Variants in ACTN1 observed in about 807,000 individuals in gnomAD.
The protein encoded by ACTN1 is alpha-actinin-1.
Under a neutral mutation model 119.6 loss-of-function variants are expected in ACTN1, and 30 were observed. That is an observed-to-expected ratio of 0.25 (90% CI 0.19 to 0.34). ACTN1 has a LOEUF of 0.34. Ranked by LOEUF, ACTN1 falls within the 10% of genes least tolerant of loss-of-function variation. ACTN1 has a pLI of 1.00. For missense variants in ACTN1, 764 were observed against 1,223.4 expected (o/e 0.62, Z 5.60); for synonymous variants, 429 against 472.6 (o/e 0.91, Z 1.20).
At chr14:68,915,617 G>A (rs10143675) in intron 3 of ACTN1, among the ~76,000 whole-genome samples, 27,060 of 152,210 alleles carry the variant, frequency 0.18, 3,256 homozygotes, top group East Asian at 0.63. Context: ...AACCACAAGT[G>A]GGGGAATGGG....
intron 1 of ACTN1, among the ~76,000 whole-genome samples, chr14:68,931,897 G>A (rs918785991): frequency 6.6e-6 from 1 of 152,054 alleles, no homozygotes; most frequent in African/African-American, 2.4e-5. Flanking sequence ...AGGGCACTGG[G>A]GAAGGGATTC....
chr14:68,966,005 C>T (rs1247820971), intron 1 of ACTN1, among the ~76,000 whole-genome samples: 1 of 152,042 alleles, frequency 6.6e-6, no homozygotes, highest in Non-Finnish European at 1.5e-5. Context: ...ATCGTTTAAG[C>T]CCAGGAGTTT....
chr14:68,882,783 T>G lies in ACTN1; in HGVS notation c.1818+90A>C, dbSNP rs569015131. The G allele has an allele frequency of 2.3e-5, 36 of 1,547,098 alleles. No individual in the cohort carries two copies. The highest frequency in any genetic ancestry group is 2.8e-5 in the Non-Finnish European group (32 of 1,135,234). On this transcript the variant is annotated intron_variant, in intron 15 of 21. Coordinates refer to ENST00000394419, the MANE Select transcript of ACTN1 (RefSeq NM_001130004.2). This position sits in a 1 kb window ranked among gnomAD's most constrained non-coding sequence, Gnocchi z 4.5. ...ATGAGTGTTTACTATATGACAATTT[T>G]AAATGAAATTGACAAAAATCAATTA...
intron 1 of ACTN1, among the ~76,000 whole-genome samples, chr14:68,976,628 T>TGCTCTG (rs1483598899): frequency 5.9e-5 from 9 of 152,342 alleles, no homozygotes; most frequent in African/African-American, 1.9e-4. Context: ...GGTTCCCAGA[T>TGCTCTG]GCTCTGGCTC....
intron 1 of ACTN1, among the ~76,000 whole-genome samples, chr14:68,970,217 G>A (rs2036837724): frequency 6.6e-6 from 1 of 151,934 alleles, no homozygotes; most frequent in Admixed American, 6.6e-5. Context: ...TCTTTGGCCT[G>A]GAGCTGAACA....
chr14:68,942,644 G>A (rs2035799246), intron 1 of ACTN1, among the ~76,000 whole-genome samples: 1 of 152,148 alleles, frequency 6.6e-6, no homozygotes, highest in African/African-American at 2.4e-5. Context: ...AGTTGATTAC[G>A]CCGAATGTTG....
chr14:68,903,019 T>C (rs546192900), intron 7 of ACTN1, among the ~76,000 whole-genome samples: 44 of 152,222 alleles, frequency 2.9e-4, no homozygotes, highest in Non-Finnish European at 5.6e-4. Context: ...ATTTGCTAAA[T>C]GTGATAACTT....
rs181289533 is a variant in ACTN1 at position 68,901,436 on chromosome 14, C to T, written c.762+1041G>A. On this transcript the variant is annotated intron_variant, in intron 8 of 21. Transcript: ENST00000394419. ...CTAATTTTTGTATTTTTAGTAGAGACGGGGTTTCACCATGTTGGCCAGGCT... is the reference window on the plus strand; with the variant it reads ...CTAATTTTTGTATTTTTAGTAGAGATGGGGTTTCACCATGTTGGCCAGGCT... 1.7e-3 allele frequency among the ~76,000 whole-genome samples: 259 copies of T among 151,916 alleles called. 1 individual carries two copies. The highest frequency in any genetic ancestry group is 3.4e-3 in the Middle Eastern group (1 of 294).
rs78283847 is a variant in ACTN1 at position 68,876,824 on chromosome 14, G to A, written c.2586+258C>T. On this transcript the variant is annotated intron_variant, in intron 21 of 21. Coordinates refer to ENST00000394419, the MANE Select transcript of ACTN1 (RefSeq NM_001130004.2). ...ACCACTCTATTCTCATCTGCCACCC[G>A]TCATTTCATCCCAGCTATGGAGTCC... Among the ~76,000 whole-genome samples the A allele has an allele frequency of 2.3e-3, 347 of 152,256 alleles. 1 individual carries two copies. The highest frequency in any genetic ancestry group is 7.7e-3 in the African/African-American group (322 of 41,550).
chr14:68,878,597 G>C lies in ACTN1; in HGVS notation c.2362-74C>G, dbSNP rs759293142. 9 of 1,598,926 alleles carry C rather than the reference G, an allele frequency of 5.6e-6. No homozygotes were observed. In the Admixed American group the frequency reaches 1.6e-4, roughly 28 times the overall value. On this transcript the variant is annotated intron_variant, in intron 19 of 21. Coordinates refer to ENST00000394419, the MANE Select transcript of ACTN1 (RefSeq NM_001130004.2). This position sits in a 1 kb window ranked among gnomAD's most constrained non-coding sequence, Gnocchi z 4.4. Reference sequence around the variant, plus strand: ...AAGAGGAAGGGCCGGCCCGGGGCCAGGAAGACAGGAACAGATGGCCAGAAC... The same window carrying C: ...AAGAGGAAGGGCCGGCCCGGGGCCACGAAGACAGGAACAGATGGCCAGAAC...
Position 68,878,558 on chromosome 14 carries a change from G to A in ACTN1, c.2362-35C>T. 1 of 1,612,736 alleles carries A rather than the reference G, an allele frequency of 6.2e-7. No homozygotes were observed. The highest frequency in any genetic ancestry group is 8.5e-7 in the Non-Finnish European group (1 of 1,179,372). On this transcript the variant is annotated intron_variant, in intron 19 of 21. Coordinates refer to ENST00000394419, the MANE Select transcript of ACTN1 (RefSeq NM_001130004.2). This position sits in a 1 kb window ranked among gnomAD's most constrained non-coding sequence, Gnocchi z 4.4. ...GCAGTGGTACCAAGACACAAGGAGG[G>A]TCGGGAAGGCAGGAAGAGGAAGGGC...
intron 1 of ACTN1, among the ~76,000 whole-genome samples, chr14:68,977,027 C>T (rs910475556): frequency 6.6e-6 from 1 of 152,198 alleles, no homozygotes; most frequent in African/African-American, 2.4e-5. Context: ...TGCTCAGTGT[C>T]TGTCCCCTAG....
At position 68,979,164 on chromosome 14, in the gene ACTN1, C is replaced by A; in HGVS notation, c.-108G>T. ...GTAGGGCTGGGCTGGGCTGGGCTGG[C>A]GGGGCCGGGCTCGCTCCCCTGCGCC... On this transcript the variant is annotated 5_prime_UTR_variant, in exon 1 of 22. Transcript: ENST00000394419. 1 of 393,904 alleles carries A rather than the reference C, an allele frequency of 2.5e-6. No individual in the cohort carries two copies. Among genetic ancestry groups the A allele is most frequent in the Non-Finnish European group, 4.0e-6 (1 of 249,462 alleles). The allele number at this position is 393,904 out of a possible 1,614,324, so 24.4% of individuals were successfully genotyped here.
At chr14:68,921,623 C>T (rs902426684) in intron 2 of ACTN1, among the ~76,000 whole-genome samples, 1 of 152,134 alleles carries the variant, frequency 6.6e-6, no homozygotes, top group Non-Finnish European at 1.5e-5. Flanking sequence ...GTCTTTGCAG[C>T]CAGGCAAACA....
chr14:68,978,360 C>T lies in ACTN1; in HGVS notation c.105+592G>A, dbSNP rs368128788. ...CGCGGGGGAGCCCGCGTACGCCCCC[C>T]AGTTTTCTCGTCCCCAGCCGCACTC... On this transcript the variant is annotated intron_variant, in intron 1 of 21. Transcript: ENST00000394419. 1.2e-3 allele frequency: 465 copies of T among 382,426 alleles called. 9 individuals carry two copies. Among genetic ancestry groups the T allele is most frequent in the South Asian group, 8.6e-3 (456 of 52,748 alleles). 23.7% of individuals were successfully genotyped at this position (382,426 alleles called of 1,614,324 possible).
At chr14:68,968,947 C>T (rs1177578886) in intron 1 of ACTN1, among the ~76,000 whole-genome samples, 5 of 152,134 alleles carry the variant, frequency 3.3e-5, no homozygotes, top group African/African-American at 9.7e-5. Context: ...CAATGTGGGC[C>T]TATGCTGAGC....
At chr14:68,960,160 G>A (rs746476007) in intron 1 of ACTN1, among the ~76,000 whole-genome samples, 23 of 152,198 alleles carry the variant, frequency 1.5e-4, no homozygotes, top group African/African-American at 4.3e-4. Context: ...CTGCTGTCTC[G>A]GGGTGGCAGA....
In ACTN1 at chr14:68,880,464, T is replaced by C. The variant is rs72733509; in HGVS notation, c.2133+346A>G. ...CCACAGCCACGCGCGCACACACACA[T>C]ACACACACACACACTCTTGCACAGT... On this transcript the variant is annotated intron_variant, in intron 17 of 21. Transcript: ENST00000394419. This position sits in a 1 kb window ranked among gnomAD's most constrained non-coding sequence, Gnocchi z 4.6. 5.9e-5 allele frequency among the ~76,000 whole-genome samples: 9 copies of C among 151,386 alleles called. No homozygotes were observed. The highest frequency in any genetic ancestry group is 9.7e-5 in the African/African-American group (4 of 41,258).
At chr14:68,954,533 A>G (rs559942157) in intron 1 of ACTN1, among the ~76,000 whole-genome samples, 28 of 152,110 alleles carry the variant, frequency 1.8e-4, no homozygotes, top group Non-Finnish European at 1.6e-4. Context: ...TCACCATGTT[A>G]GCCAGACTGG....
Sources: gnomAD v4.1 joint callset for allele counts (sites outside exome capture counted in the v4.1 genomes callset) on GRCh38, gnomAD v4.1.1 for gene constraint, Gnocchi (gnomAD v3.1) non-coding constraint, MANE v1.5 for transcripts, NCBI Gene and HGNC (gene_info 2026-07-23, HGNC 2026-07-21) for gene names.